Variants in SLC16A5 observed in about 807,000 individuals in gnomAD.
The protein encoded by SLC16A5 is monocarboxylate transporter 6.
Under a neutral mutation model 33.2 loss-of-function variants are expected in SLC16A5, and 29 were observed. That is an observed-to-expected ratio of 0.87 (90% confidence interval 0.65 to 1.19). SLC16A5 has a LOEUF of 1.19. Ranked by LOEUF, SLC16A5 falls within the 50% of genes most tolerant of loss-of-function variation. SLC16A5 has a pLI of 0.00. For missense variants in SLC16A5, 606 were observed against 678.2 expected (o/e 0.89, Z 1.18); for synonymous variants, 248 against 284.1 (o/e 0.87, Z 1.28).
downstream of SLC16A5, among the ~76,000 whole-genome samples, chr17:75,107,250 T>G (rs1439450855): frequency 6.7e-6 from 1 of 149,576 alleles, no homozygotes; most frequent in Non-Finnish European, 1.5e-5. Context: ...CAGTAAGCTG[T>G]GATCACACCA....
chr17:75,096,966 C>T (rs1362532948), intron 3 of SLC16A5, among the ~76,000 whole-genome samples: 1 of 148,558 alleles, frequency 6.7e-6, no homozygotes, highest in African/African-American at 2.5e-5. Flanking sequence ...GCTGGGATTA[C>T]AGGCACGCAC....
At position 75,100,162 on chromosome 17, in the gene SLC16A5, G is replaced by C; in HGVS notation, c.499G>C (p.Gly167Arg). The stretch of plus-strand genomic sequence containing the variant: ...CTCCCGCTACCTTCTGGAGAACCTG[G>C]GCTGGAGGGGTACCTTCCTTGTCTT... ...LLSRYLLENLGWRGTFLVFGG... is the reference protein window; with the variant it reads ...LLSRYLLENLRWRGTFLVFGG... Residue 167 changes from glycine to arginine, a missense_variant, in exon 5 of 7, where the codon GGC becomes CGC. Physicochemically the swap from Gly to Arg is moderately radical, Grantham distance 125 (BLOSUM62 -2). Coordinates refer to ENST00000329783, the MANE Select transcript of SLC16A5 (RefSeq NM_004695.4). 1 of 1,614,216 alleles carries C rather than the reference G, an allele frequency of 6.2e-7. No homozygotes were observed. Among genetic ancestry groups the C allele is most frequent in the Non-Finnish European group, 8.5e-7 (1 of 1,180,038 alleles).
chr17:75,106,214 T>G, downstream of SLC16A5: 1 of 439,892 alleles, frequency 2.3e-6, no homozygotes, highest in Non-Finnish European at 4.1e-6. Flanking sequence ...AAAGTCTGAC[T>G]CGGTGAGCAT....
chr17:75,093,886 A>G (rs750989793), intron 3 of SLC16A5, 51 bp downstream of exon 3: 3 of 1,576,946 alleles, frequency 1.9e-6, no homozygotes, highest in African/African-American at 1.3e-5. Flanking sequence ...GTTGCGGGGA[A>G]GCCACAACCT....
Position 75,104,121 on chromosome 17 carries a change from G to A in SLC16A5, c.1305G>A (p.Glu435=), listed in dbSNP as rs199807814. 21 of 1,614,236 alleles carry A rather than the reference G, an allele frequency of 1.3e-5. 1 individual carries two copies. The Admixed American group carries it at 1.5e-4, about 12-fold the overall frequency. Residue 435 remains glutamate (E), a synonymous_variant, in exon 6 of 7, where the codon GAG becomes GAA. Coordinates refer to ENST00000329783, the MANE Select transcript of SLC16A5 (RefSeq NM_004695.4). Reference sequence around the variant, plus strand: ...AGGCTGTCGCGGCGGATGCCCTGGAGCGGGATCTTTTCTTGGAAGCCAAAG... The same window carrying A: ...AGGCTGTCGCGGCGGATGCCCTGGAACGGGATCTTTTCTTGGAAGCCAAAG... ...GKQAVAADAL[E]RDLFLEAKDG... is the part of the protein sequence containing the mutation.
rs778345850 is a variant in SLC16A5 at position 75,105,782 on chromosome 17, C to T, written c.1365-98C>T. ...CCTCACCCTTCCTTTCCTCCTAGCT[C>T]AGCAAGGGGTGCTCAGGTTCAGGAT... On this transcript the variant is annotated intron_variant, in intron 6 of 6. Transcript: ENST00000329783. 2.5e-4 allele frequency: 361 copies of T among 1,435,910 alleles called. 1 individual carries two copies. The highest frequency in any genetic ancestry group is 3.2e-4 in the Non-Finnish European group (347 of 1,087,464). The allele number at this position is 1,435,910 out of a possible 1,614,324, so 88.9% of individuals were successfully genotyped here. A position where few individuals can be genotyped will look rare whatever the true frequency, so the allele number is the denominator to read the frequency against.
chr17:75,104,732 G>C, intron 6 of SLC16A5: 4 of 983,800 alleles, frequency 4.1e-6, no homozygotes, highest in Non-Finnish European at 4.8e-6. Context: ...TTACAGGCGT[G>C]AGCCACCGTG....
At chr17:75,101,076 G>A (rs565306669) in intron 5 of SLC16A5, among the ~76,000 whole-genome samples, 15 of 145,232 alleles carry the variant, frequency 1.0e-4, no homozygotes, top group East Asian at 8.3e-4. Context: ...GTGAAACCCC[G>A]TCTCTACTAA....
downstream of SLC16A5, among the ~76,000 whole-genome samples, chr17:75,107,685 T>A (rs1285647885): frequency 6.6e-6 from 1 of 152,192 alleles, no homozygotes; most frequent in Non-Finnish European, 1.5e-5. Context: ...ACGCCTGTAA[T>A]CCCAGCACTT....
chr17:75,105,630 T>C (rs1277447493), intron 6 of SLC16A5: 12 of 985,296 alleles, frequency 1.2e-5, no homozygotes, highest in Non-Finnish European at 1.4e-5. Flanking sequence ...CCCATTCTTG[T>C]CCCAGCAGGG....
downstream of SLC16A5, among the ~76,000 whole-genome samples, chr17:75,107,740 C>T (rs2073873573): frequency 6.6e-6 from 1 of 152,234 alleles, no homozygotes; most frequent in South Asian, 2.1e-4. Context: ...AGATCGAGAC[C>T]ATCCTGGCTA....
rs61735759 is a variant in SLC16A5, at chr17:75,100,288, G to C, written c.625G>C (p.Glu209Gln). The C allele has an allele frequency of 1.2e-6, 2 of 1,614,030 alleles. No individual in the cohort carries two copies. Among genetic ancestry groups the C allele is most frequent in the Non-Finnish European group, 8.5e-7 (1 of 1,180,036 alleles). Residue 209 changes from glutamate to glutamine, a missense_variant, in exon 5 of 7, where the codon GAG becomes CAG. Transcript: ENST00000329783. ...CAAAGAATGTCCCCCGCCACCTCCC[G>C]AGACACCTGCACTTGGCTGCCTGGC... ...ETKECPPPPP[E>Q]TPALGCLAAC...
intron 2 of SLC16A5, chr17:75,089,724 A>G (rs1227835419): frequency 6.9e-6 from 1 of 144,978 alleles, no homozygotes. Context: ...ACTGCACTCT[A>G]GCCTGGGAGA....
intron 4 of SLC16A5, among the ~76,000 whole-genome samples, chr17:75,098,814 G>A (rs2073753195): frequency 6.6e-6 from 1 of 152,172 alleles, no homozygotes; most frequent in Non-Finnish European, 1.5e-5. Context: ...TCTGAGTGGA[G>A]AGGATGCAGG....
intron 1 of SLC16A5, 191 bp from the exon 2 acceptor site, chr17:75,088,960 A>C (rs1219438353): frequency 6.6e-6 from 1 of 152,226 alleles, no homozygotes; most frequent in Non-Finnish European, 1.5e-5. Flanking sequence ...CCCTGCCCAC[A>C]CATCCAGCTT....
At chr17:75,090,715 TC>T (rs2073626950) in intron 2 of SLC16A5, among the ~76,000 whole-genome samples, 1 of 151,974 alleles carries the variant, frequency 6.6e-6, no homozygotes, top group South Asian at 2.1e-4. Context: ...TGCCTCAGTC[TC>T]CCAAAGTGCT....
chr17:75,098,933 A>C (rs766899247), intron 4 of SLC16A5, among the ~76,000 whole-genome samples: 2 of 152,062 alleles, frequency 1.3e-5, no homozygotes, highest in Non-Finnish European at 2.9e-5. Context: ...GGGGGCACAG[A>C]GGAAGACACC....
At chr17:75,107,303 CA>C (rs879587193), downstream of SLC16A5, among the ~76,000 whole-genome samples, 2,885 of 141,010 alleles carry the variant, frequency 0.02, 36 homozygotes, top group Non-Finnish European at 0.033. Context: ...CCCCCCTTCC[CA>C]AAAAAAAAAA....
At chr17:75,102,514 G>A (rs532903695) in intron 5 of SLC16A5, among the ~76,000 whole-genome samples, 2 of 127,840 alleles carry the variant, frequency 1.6e-5, no homozygotes, top group South Asian at 2.2e-4. Context: ...TTTATGATGC[G>A]AGGGAAACCA....
Sources: gnomAD v4.1 joint callset for allele counts (sites outside exome capture counted in the v4.1 genomes callset) on GRCh38, gnomAD v4.1.1 for gene constraint, MANE v1.5 for transcripts, NCBI Gene and HGNC (gene_info 2026-07-23, HGNC 2026-07-21) for gene names.